SMURF2: variants seen among roughly 807,000 people sequenced by gnomAD.
SMURF2 encodes the protein SMAD specific E3 ubiquitin protein ligase 2, also known as E3 ubiquitin-protein ligase SMURF2.
Under a neutral mutation model 109.6 loss-of-function variants are expected in SMURF2, and 48 were observed. The ratio of observed to expected loss-of-function variants is 0.44; its 90% CI spans 0.35 to 0.56. The LOEUF is 0.56. Among genes scored for constraint, SMURF2 ranks in the 20% least tolerant of loss-of-function variants. SMURF2 has a pLI of 0.01. For missense variants in SMURF2, 575 were observed against 909.0 expected (o/e 0.63, Z 4.72); for synonymous variants, 288 against 317.1 (o/e 0.91, Z 0.97).
At chr17:64,636,821 T>C (rs1319794151) in intron 1 of SMURF2, among the ~76,000 whole-genome samples, 2 of 151,814 alleles carry the variant, frequency 1.3e-5, no homozygotes, top group Admixed American at 6.6e-5. Flanking sequence ...ATATTCTGTA[T>C]ACTAGACCCT....
At chr17:64,657,718 C>CA (rs574702500) in intron 1 of SMURF2, among the ~76,000 whole-genome samples, 498 of 123,520 alleles carry the variant, frequency 4.0e-3, no homozygotes, top group South Asian at 0.011. Context: ...GATTCTGCCT[C>CA]AAAAAAAAAA....
Position 64,547,619 on chromosome 17 carries a change from C to T in SMURF2, c.2052G>A (p.Gln684=). 6.2e-7 allele frequency: 1 copy of T among 1,614,104 alleles called. No homozygotes were observed. Among genetic ancestry groups the T allele is most frequent in the Non-Finnish European group, 8.5e-7 (1 of 1,180,006 alleles). Residue 684 remains glutamine, a synonymous_variant, in exon 17 of 19, where the codon CAG becomes CAA. Coordinates refer to ENST00000262435, the MANE Select transcript of SMURF2 (RefSeq NM_022739.4). This position sits in a 1 kb window ranked among gnomAD's most constrained non-coding sequence, Gnocchi z 4.2. ...FVTGSSRVPL[Q]GFKALQGAAG... The stretch of plus-strand genomic sequence containing the variant: ...TGTTACCTTGCAATGCTTTGAAGCC[C>T]TGCAGAGGCACTCGAGAGGATCCTG...
At chr17:64,574,409 A>G (rs868938921) in intron 9 of SMURF2, among the ~76,000 whole-genome samples, 1 of 152,222 alleles carries the variant, frequency 6.6e-6, no homozygotes, top group Non-Finnish European at 1.5e-5. Flanking sequence ...GGCATTAACC[A>G]TTGTTTTAAA....
At chr17:64,621,732 G>A (rs1260530894) in intron 1 of SMURF2, among the ~76,000 whole-genome samples, 1 of 151,226 alleles carries the variant, frequency 6.6e-6, no homozygotes, top group Non-Finnish European at 1.5e-5. Context: ...AAATTAGCTG[G>A]GCATGGTGGC....
intron 1 of SMURF2, among the ~76,000 whole-genome samples, chr17:64,639,204 T>C (rs782045571): frequency 3.6e-4 from 55 of 152,294 alleles, no homozygotes; most frequent in Middle Eastern, 3.4e-3. Context: ...ATATATTATA[T>C]ACCAATAAAA....
chr17:64,640,002 G>A (rs1970473900), intron 1 of SMURF2, among the ~76,000 whole-genome samples: 1 of 152,148 alleles, frequency 6.6e-6, no homozygotes, highest in Non-Finnish European at 1.5e-5. Context: ...ACTAATGTAA[G>A]ATTAGTTTAG....
At position 64,547,007 on chromosome 17, in the gene SMURF2, A is replaced by G. The variant is rs563029345; in HGVS notation, c.2071+593T>C. On this transcript the variant is annotated intron_variant, in intron 17 of 18. Coordinates refer to ENST00000262435, the MANE Select transcript of SMURF2 (RefSeq NM_022739.4). This position sits in a 1 kb window ranked among gnomAD's most constrained non-coding sequence, Gnocchi z 4.2. Reference sequence around the variant, plus strand: ...CAGCTTTGAAAATGAAGTGCTTAAGAGGTAAAGGAAGCAACTGCCACCCAG... The same window carrying G: ...CAGCTTTGAAAATGAAGTGCTTAAGGGGTAAAGGAAGCAACTGCCACCCAG... Among the ~76,000 whole-genome samples the G allele has an allele frequency of 6.6e-6, 1 of 152,358 alleles. No individual in the cohort carries two copies. Among genetic ancestry groups the G allele is most frequent in the East Asian group, 1.9e-4 (1 of 5,192 alleles).
intron 9 of SMURF2, among the ~76,000 whole-genome samples, chr17:64,576,570 A>T (rs1969493701): frequency 6.6e-6 from 1 of 151,962 alleles, no homozygotes; most frequent in Admixed American, 6.6e-5. Flanking sequence ...AGGCTGAGGC[A>T]GGAGAATCAC....
chr17:64,549,256 T>C (rs1400984004), intron 16 of SMURF2, among the ~76,000 whole-genome samples: 1 of 121,830 alleles, frequency 8.2e-6, no homozygotes, highest in Non-Finnish European at 1.6e-5. Context: ...AGTGAGACTG[T>C]GTCTCCAAAA....
At position 64,547,702 on chromosome 17, in the gene SMURF2, A is replaced by C; in HGVS notation, c.1969T>G (p.Trp657Gly). The C allele has an allele frequency of 3.1e-6, 5 of 1,614,218 alleles. No homozygotes were observed. The highest frequency in any genetic ancestry group is 4.2e-6 in the Non-Finnish European group (5 of 1,180,042). Residue 657 changes from tryptophan (W) to glycine (G), a missense_variant, in exon 17 of 19, where the codon TGG becomes GGG. Transcript: ENST00000262435. The surrounding 1 kb of genome is among the most constrained non-coding windows in gnomAD (Gnocchi z 4.2). ...TPDSNIVKWF[W>G]KAVEFFDEER... ...TCATCAAAAAACTCCACAGCTTTCC[A>C]GAACCATTTGACAATGTTGCTGTCT...
chr17:64,621,186 C>G (rs1182289906), intron 1 of SMURF2, among the ~76,000 whole-genome samples: 1 of 152,222 alleles, frequency 6.6e-6, no homozygotes, highest in African/African-American at 2.4e-5. Context: ...ACCTGATGAT[C>G]TACTAAGAAA....
At chr17:64,570,962 T>C (rs1401739739) in intron 10 of SMURF2, among the ~76,000 whole-genome samples, 1 of 152,100 alleles carries the variant, frequency 6.6e-6, no homozygotes, top group East Asian at 1.9e-4. Context: ...AAAAAAATTT[T>C]TTGAAGAGAA....
At chr17:64,623,882 T>G (rs1269615119) in intron 1 of SMURF2, among the ~76,000 whole-genome samples, 1 of 152,264 alleles carries the variant, frequency 6.6e-6, no homozygotes, top group Non-Finnish European at 1.5e-5. Context: ...TTGACAAATC[T>G]ATACGTAGAC....
chr17:64,554,768 G>T, intron 15 of SMURF2, 88 bp downstream of exon 15: 1 of 1,227,620 alleles, frequency 8.1e-7, no homozygotes, highest in Non-Finnish European at 1.2e-6. Context: ...GTAACACTAA[G>T]TAGTACTATC....
chr17:64,634,406 T>G (rs1299245205), intron 1 of SMURF2, among the ~76,000 whole-genome samples: 9 of 152,180 alleles, frequency 5.9e-5, no homozygotes, highest in African/African-American at 2.2e-4. Context: ...GGATGAGGCA[T>G]GTATAGAACT....
At chr17:64,551,358 G>GAAA (rs373237402) in intron 16 of SMURF2, among the ~76,000 whole-genome samples, 1 of 139,562 alleles carries the variant, frequency 7.2e-6, no homozygotes. Context: ...CCCTGTCTCA[G>GAAA]AAAAAAAAAA....
intron 1 of SMURF2, among the ~76,000 whole-genome samples, chr17:64,631,279 G>GGGAGAGA (rs1970338627): frequency 2.7e-4 from 2 of 7,440 alleles, no homozygotes; most frequent in Non-Finnish European, 2.9e-4. Flanking sequence ...AGAGGGGGGG[G>GGGAGAGA]GGGAGAGAGA....
intron 1 of SMURF2, among the ~76,000 whole-genome samples, chr17:64,646,955 T>C (rs1234349055): frequency 1.3e-5 from 2 of 152,166 alleles, no homozygotes; most frequent in Non-Finnish European, 2.9e-5. Flanking sequence ...AAAGCCCCCT[T>C]AGAAATACCT....
chr17:64,637,160 T>TGCA (rs1970428462), intron 1 of SMURF2, among the ~76,000 whole-genome samples: 2 of 151,596 alleles, frequency 1.3e-5, no homozygotes, highest in East Asian at 3.9e-4. Context: ...ACAGTCTTGC[T>TGCA]CTGTCACCCA....
Sources: allele counts gnomAD v4.1 joint callset (sites outside exome capture counted in the v4.1 genomes callset), GRCh38; gene constraint gnomAD v4.1.1; non-coding constraint Gnocchi (gnomAD v3.1); transcripts MANE v1.5; gene names NCBI Gene and HGNC (gene_info 2026-07-23, HGNC 2026-07-21).